The following MTUS2 variants were observed in gnomAD, a reference collection of about 807,000 sequenced individuals.
The protein encoded by MTUS2 is microtubule-associated tumor suppressor candidate 2.
A neutral mutation model predicts 114.1 loss-of-function variants in MTUS2; 40 were observed. That is an observed-to-expected ratio of 0.35 (90% CI 0.27 to 0.46). The LOEUF is 0.46. Ranked by LOEUF, MTUS2 falls within the 20% of genes least tolerant of loss-of-function variation. The probability of loss-of-function intolerance (pLI) is 1.00; values close to 1 mark genes in which losing one functional copy is unlikely to be tolerated. For synonymous variants in MTUS2, 688 were observed against 672.0 expected (o/e 1.02, Z -0.37); for missense variants, 1,679 against 1,705.4 (o/e 0.98, Z 0.27).
At chr13:29,318,381 A>ATTTTTT (rs1900102694) in intron 6 of MTUS2, among the ~76,000 whole-genome samples, 2 of 58,546 alleles carry the variant, frequency 3.4e-5, no homozygotes, top group African/African-American at 6.1e-5. Flanking sequence ...ATCATTTGTT[A>ATTTTTT]TTTCTTTTTC....
intron 4 of MTUS2, among the ~76,000 whole-genome samples, chr13:29,052,855 G>A (rs1396042050): frequency 6.6e-6 from 1 of 152,120 alleles, no homozygotes; most frequent in Non-Finnish European, 1.5e-5. Flanking sequence ...GGACCAGGTG[G>A]AGATAATTGA....
At chr13:28,972,887 A>G (rs1174708187) in intron 2 of MTUS2, among the ~76,000 whole-genome samples, 1 of 152,144 alleles carries the variant, frequency 6.6e-6, no homozygotes, top group African/African-American at 2.4e-5. Flanking sequence ...TCAGGCAGAG[A>G]TAGTTAAGCC....
At chr13:29,161,900 G>T (rs1402855413) in intron 5 of MTUS2, among the ~76,000 whole-genome samples, 1 of 152,214 alleles carries the variant, frequency 6.6e-6, no homozygotes, top group Non-Finnish European at 1.5e-5. Flanking sequence ...CTCTGCCCCA[G>T]TCTGCCTGCA....
intron 5 of MTUS2, among the ~76,000 whole-genome samples, chr13:29,193,055 T>C (rs537611663): frequency 6.6e-6 from 1 of 152,332 alleles, no homozygotes; most frequent in South Asian, 2.1e-4. Flanking sequence ...ATCATACATT[T>C]ACATTTTAGG....
In MTUS2 at chr13:29,354,919, G is replaced by A. The variant is rs539965520; in HGVS notation, c.2906-4343G>A. 5.3e-5 allele frequency among the ~76,000 whole-genome samples: 8 copies of A among 152,350 alleles called. No individual in the cohort carries two copies. The East Asian group carries it at 7.7e-4, about 15-fold the overall frequency. On this transcript the variant is annotated intron_variant, in intron 7 of 15. Transcript: ENST00000612955. ...AGAGTGTCCTGCTGTCTGTCACGAT[G>A]CTGACCAAACCCGTGAACTGCTTTG...
At chr13:28,894,288 GGGAGAGAGAGAGA>G (rs1879108500) in intron 2 of MTUS2, among the ~76,000 whole-genome samples, 5 of 20,974 alleles carry the variant, frequency 2.4e-4, no homozygotes, top group African/African-American at 1.4e-3. Context: ...GTGGGGGGGG[GGGAGAGAGAGAGA>G]GAGGGGGGGG....
intron 8 of MTUS2, among the ~76,000 whole-genome samples, chr13:29,405,771 T>C (rs9506176): frequency 0.97 from 145,797 of 149,584 alleles, 71,180 homozygotes; most frequent in East Asian, 1. Context: ...GACTGAGTCT[T>C]GCTCTGTCGC....
chr13:29,384,371 AG>A (rs1212335420), intron 8 of MTUS2, among the ~76,000 whole-genome samples: 2 of 152,228 alleles, frequency 1.3e-5, no homozygotes, highest in African/African-American at 2.4e-5. Flanking sequence ...TTGTAATCCA[AG>A]ATCTGACCTG....
At position 29,208,021 on chromosome 13, in the gene MTUS2, T is replaced by G. The variant is rs1443635613; in HGVS notation, c.2645-73683T>G. Among the ~76,000 whole-genome samples the G allele has an allele frequency of 3.3e-5, 5 of 152,106 alleles. No homozygotes were observed. The East Asian group carries it at 5.8e-4, about 18-fold the overall frequency. On this transcript the variant is annotated intron_variant, in intron 5 of 15. Transcript: ENST00000612955. ...GATTGGTACCAATTCTTCTTTGAAT[T>G]TCTCATAGAATTCAACTGTGAACTC...
chr13:29,331,948 G>A (rs1900798804), intron 7 of MTUS2, among the ~76,000 whole-genome samples: 1 of 152,122 alleles, frequency 6.6e-6, no homozygotes, highest in African/African-American at 2.4e-5. Flanking sequence ...ATGTTCTATG[G>A]GGTTCAGTTT....
chr13:29,082,519 A>G (rs1273693426), intron 4 of MTUS2, among the ~76,000 whole-genome samples: 6 of 152,206 alleles, frequency 3.9e-5, no homozygotes, highest in African/African-American at 1.2e-4. Context: ...GACCTCCTCC[A>G]GCACTGTGGC....
intron 5 of MTUS2, among the ~76,000 whole-genome samples, chr13:29,157,838 A>G (rs1304743404): frequency 6.6e-6 from 1 of 152,206 alleles, no homozygotes; most frequent in African/African-American, 2.4e-5. Flanking sequence ...AGATATAGAT[A>G]TAGATATAGA....
At chr13:28,987,592 G>T (rs1482457878) in intron 2 of MTUS2, among the ~76,000 whole-genome samples, 1 of 152,138 alleles carries the variant, frequency 6.6e-6, no homozygotes, top group Non-Finnish European at 1.5e-5. Context: ...AAGCAACTTT[G>T]GGGTGGGGGC....
chr13:29,101,677 G>T (rs1480606448), intron 5 of MTUS2, among the ~76,000 whole-genome samples: 3 of 152,316 alleles, frequency 2.0e-5, no homozygotes, highest in African/African-American at 7.2e-5. Context: ...CAATGTTATT[G>T]GATGGGAAAC....
At chr13:29,341,300 C>G (rs1465358635) in intron 7 of MTUS2, among the ~76,000 whole-genome samples, 1 of 152,106 alleles carries the variant, frequency 6.6e-6, no homozygotes, top group African/African-American at 2.4e-5. Context: ...TCACAACATC[C>G]CCACCAACAT....
At chr13:29,356,724 T>C (rs780537716) in intron 7 of MTUS2, among the ~76,000 whole-genome samples, 15 of 152,172 alleles carry the variant, frequency 9.9e-5, no homozygotes, top group Admixed American at 2.6e-4. Flanking sequence ...GCTGGATATG[T>C]TTAGAGAATG....
At chr13:28,867,148 AAG>A (rs1463206981) in intron 2 of MTUS2, among the ~76,000 whole-genome samples, 1 of 152,194 alleles carries the variant, frequency 6.6e-6, no homozygotes, top group East Asian at 1.9e-4. Context: ...AATCTTGTGC[AAG>A]AGAGTTGCCA....
intron 2 of MTUS2, among the ~76,000 whole-genome samples, chr13:29,015,618 C>T (rs1430716405): frequency 1.3e-5 from 2 of 152,118 alleles, no homozygotes; most frequent in Non-Finnish European, 2.9e-5. Context: ...TAAAAGGTGT[C>T]ATAAAGTTGT....
rs116988035 is a variant in MTUS2 at position 29,484,466 on chromosome 13, C to T, written c.3400-3434C>T. Among the ~76,000 whole-genome samples the T allele has an allele frequency of 5.8e-3, 879 of 152,310 alleles. 6 individuals carry two copies. The highest frequency in any genetic ancestry group is 9.0e-3 in the Non-Finnish European group (610 of 68,020). On this transcript the variant is annotated intron_variant, in intron 10 of 15. Coordinates refer to ENST00000612955, the MANE Select transcript of MTUS2 (RefSeq NM_001033602.4). ...GGAGGAGGCGGTGCAGTGGAGATGG[C>T]GCCTCTGTCAACACCTGCCTGTGTG...
Sources: gnomAD v4.1 joint callset for allele counts (sites outside exome capture counted in the v4.1 genomes callset) on GRCh38, gnomAD v4.1.1 for gene constraint, MANE v1.5 for transcripts, NCBI Gene and HGNC (gene_info 2026-07-23, HGNC 2026-07-21) for gene names.